Variants in JARID2 observed in about 807,000 individuals in gnomAD.
The protein encoded by JARID2 is protein Jumonji.
Under a neutral mutation model 125.6 loss-of-function variants are expected in JARID2, and 21 were observed. The observed-to-expected ratio is 0.17, with a 90% CI of 0.12 to 0.24. The LOEUF is 0.24. JARID2 is among the 10% of genes least tolerant of loss of function. The pLI, the probability that JARID2 is intolerant of heterozygous loss-of-function variation, is 1.00. For synonymous variants in JARID2, 736 were observed against 661.6 expected (o/e 1.11, Z -1.73); for missense variants, 1,303 against 1,639.6 (o/e 0.79, Z 3.55).
intron 5 of JARID2, among the ~76,000 whole-genome samples, chr6:15,475,042 T>G (rs1021262875): frequency 2.0e-5 from 3 of 152,210 alleles, no homozygotes; most frequent in Admixed American, 6.5e-5. Flanking sequence ...TTTTCATGTG[T>G]AATAAATACA....
chr6:15,374,517 T>G (rs1430730434), intron 2 of JARID2, among the ~76,000 whole-genome samples: 1 of 152,260 alleles, frequency 6.6e-6, no homozygotes, highest in Non-Finnish European at 1.5e-5. Context: ...TATATGTATG[T>G]CTTTCCACAC....
intron 1 of JARID2, among the ~76,000 whole-genome samples, chr6:15,279,270 G>GT (rs1760661928): frequency 6.6e-6 from 1 of 152,146 alleles, no homozygotes; most frequent in Non-Finnish European, 1.5e-5. Flanking sequence ...AAGGTTGTGT[G>GT]TATTTTCAAC....
At chr6:15,294,033 T>C (rs993577438) in intron 1 of JARID2, among the ~76,000 whole-genome samples, 1 of 152,226 alleles carries the variant, frequency 6.6e-6, no homozygotes, top group African/African-American at 2.4e-5. Flanking sequence ...CTATGCCAAG[T>C]TGCAGTAGTC....
intron 2 of JARID2, among the ~76,000 whole-genome samples, chr6:15,407,942 T>C (rs1166174382): frequency 6.6e-6 from 1 of 152,214 alleles, no homozygotes; most frequent in African/African-American, 2.4e-5. Flanking sequence ...TTCTCCATTA[T>C]GTTATTCCCA....
At chr6:15,341,285 T>C (rs1052706356) in intron 1 of JARID2, among the ~76,000 whole-genome samples, 17 of 152,252 alleles carry the variant, frequency 1.1e-4, no homozygotes, top group African/African-American at 3.9e-4. Context: ...CTCCCATATG[T>C]TCTTTTTTAC....
At chr6:15,325,247 G>T (rs766117076) in intron 1 of JARID2, among the ~76,000 whole-genome samples, 1 of 151,906 alleles carries the variant, frequency 6.6e-6, no homozygotes, top group Non-Finnish European at 1.5e-5. Context: ...AAGAACTTTC[G>T]AATTGAGACC....
In JARID2 at chr6:15,253,125, G is replaced by A. The variant is rs906453267; in HGVS notation, c.45+6541G>A. 3.4e-4 allele frequency among the ~76,000 whole-genome samples: 51 copies of A among 151,998 alleles called. 1 individual carries two copies. Among genetic ancestry groups the A allele is most frequent in the African/African-American group, 1.1e-3 (44 of 41,476 alleles). ...CTCACCCAGGCTGGAGTGCAGTGGCGTGGTCTCTGTTCACTGCAGCCTCCA... is the reference window on the plus strand; with the variant it reads ...CTCACCCAGGCTGGAGTGCAGTGGCATGGTCTCTGTTCACTGCAGCCTCCA... On this transcript the variant is annotated intron_variant, in intron 1 of 17. Coordinates refer to ENST00000341776, the MANE Select transcript of JARID2 (RefSeq NM_004973.4).
At chr6:15,469,304 GTC>G (rs71897623) in intron 5 of JARID2, among the ~76,000 whole-genome samples, 21,177 of 55,490 alleles carry the variant, frequency 0.38, 2,312 homozygotes, top group Middle Eastern at 0.51. Context: ...CTCTGTCTCT[GTC>G]TCTCTCTCTC....
At chr6:15,415,433 C>G (rs543152788) in intron 3 of JARID2, among the ~76,000 whole-genome samples, 1 of 150,636 alleles carries the variant, frequency 6.6e-6, no homozygotes, top group African/African-American at 2.4e-5. Flanking sequence ...GGCGGCTGGC[C>G]GGGCGGGGGG....
chr6:15,383,304 ATT>A (rs34764204), intron 2 of JARID2, among the ~76,000 whole-genome samples: 426 of 144,998 alleles, frequency 2.9e-3, no homozygotes, highest in African/African-American at 7.2e-3. Flanking sequence ...CCAGGTTGGG[ATT>A]TTTTTTTTTT....
chr6:15,442,020 G>C (rs1767467831), intron 3 of JARID2, among the ~76,000 whole-genome samples: 2 of 151,870 alleles, frequency 1.3e-5, no homozygotes, highest in South Asian at 4.1e-4. Context: ...GACCTCAGGT[G>C]ATCCCCCACG....
intron 1 of JARID2, chr6:15,368,800 C>A: frequency 2.6e-5 from 12 of 454,612 alleles, no homozygotes; most frequent in South Asian, 1.9e-4. Flanking sequence ...TTGAAGCATT[C>A]GTCTTGGAGG....
At chr6:15,510,118 CGGGGGCTGTGGGGA>C (rs1044857377) in intron 12 of JARID2, among the ~76,000 whole-genome samples, 8 of 151,484 alleles carry the variant, frequency 5.3e-5, no homozygotes, top group African/African-American at 1.9e-4. Context: ...ACCTGGGGGG[CGGGGGCTGTGGGGA>C]GGGGCTGGCG....
intron 16 of JARID2, among the ~76,000 whole-genome samples, chr6:15,514,581 C>T (rs902917053): frequency 2.0e-5 from 3 of 152,148 alleles, no homozygotes; most frequent in East Asian, 1.9e-4. Flanking sequence ...CGAGTCCTGG[C>T]GTGCCCTGTA....
At chr6:15,262,021 C>A (rs1198150053) in intron 1 of JARID2, among the ~76,000 whole-genome samples, 1 of 151,918 alleles carries the variant, frequency 6.6e-6, no homozygotes, top group Non-Finnish European at 1.5e-5. Flanking sequence ...ACCTTGTGAT[C>A]CGCCTGCCTC....
chr6:15,349,664 A>G (rs555108406), intron 1 of JARID2, among the ~76,000 whole-genome samples: 1 of 152,284 alleles, frequency 6.6e-6, no homozygotes, highest in South Asian at 2.1e-4. Context: ...GAAGGGAAGT[A>G]AAAACCAGAG....
intron 1 of JARID2, among the ~76,000 whole-genome samples, chr6:15,278,315 T>C (rs971790859): frequency 1.4e-5 from 2 of 147,718 alleles, no homozygotes; most frequent in Non-Finnish European, 3.0e-5. Flanking sequence ...AGCCAGGCAC[T>C]GTACCTCATG....
At chr6:15,492,799 T>A (rs3819396) in intron 6 of JARID2, among the ~76,000 whole-genome samples, 33,174 of 152,032 alleles carry the variant, frequency 0.22, 3,939 homozygotes, top group Middle Eastern at 0.36. Context: ...TTCGTAATTG[T>A]TTGAACTTCG....
At chr6:15,422,885 C>G (rs1934382521) in intron 3 of JARID2, among the ~76,000 whole-genome samples, 1 of 151,914 alleles carries the variant, frequency 6.6e-6, no homozygotes. Context: ...GAAGCAGCTC[C>G]TTTTTTCTCA....
Sources: gnomAD v4.1 joint callset for allele counts (sites outside exome capture counted in the v4.1 genomes callset) on GRCh38, gnomAD v4.1.1 for gene constraint, MANE v1.5 for transcripts, NCBI Gene and HGNC (gene_info 2026-07-23, HGNC 2026-07-21) for gene names.